Variants in TMEM132B observed in about 807,000 individuals in gnomAD.
The protein encoded by TMEM132B is transmembrane protein 132B.
A neutral mutation model predicts 90.8 loss-of-function variants in TMEM132B; 18 were observed. That is an observed-to-expected ratio of 0.20 (90% CI 0.14 to 0.29). The LOEUF is 0.29. TMEM132B is among the 10% of genes least tolerant of loss of function. TMEM132B has a pLI of 1.00. For synonymous variants in TMEM132B, 504 were observed against 523.3 expected, an observed-to-expected ratio of 0.96 and a Z score of 0.50; for missense variants, 1,096 against 1,326.8, an observed-to-expected ratio of 0.83 and a Z score of 2.70.
At chr12:125,398,277 C>T (rs61943148) in intron 2 of TMEM132B, among the ~76,000 whole-genome samples, 3 of 152,084 alleles carry the variant, frequency 2.0e-5, no homozygotes, top group Non-Finnish European at 4.4e-5. Flanking sequence ...TCCCAACTAC[C>T]CCTACTCATT....
intron 4 of TMEM132B, among the ~76,000 whole-genome samples, chr12:125,575,871 A>G (rs1884930337): frequency 6.6e-6 from 1 of 152,122 alleles, no homozygotes; most frequent in Non-Finnish European, 1.5e-5. Flanking sequence ...AATCTGCTGA[A>G]AATGAGAGAA....
At chr12:125,222,080 A>T (rs1394052048) in intron 1 of TMEM132B, among the ~76,000 whole-genome samples, 1 of 152,160 alleles carries the variant, frequency 6.6e-6, no homozygotes, top group East Asian at 1.9e-4. Context: ...CATAAGAAAA[A>T]CTGGATTGCT....
chr12:125,395,596 T>C (rs1325987516), intron 2 of TMEM132B, among the ~76,000 whole-genome samples: 1 of 152,234 alleles, frequency 6.6e-6, no homozygotes, highest in Non-Finnish European at 1.5e-5. Flanking sequence ...GTGTATCTTC[T>C]GTGAACTTTG....
At chr12:125,319,110 A>G (rs975341496) in intron 1 of TMEM132B, among the ~76,000 whole-genome samples, 2 of 152,178 alleles carry the variant, frequency 1.3e-5, no homozygotes, top group Non-Finnish European at 2.9e-5. Flanking sequence ...ACCTTGGATA[A>G]GAGTTGTGTC....
At chr12:125,298,724 CTTTT>C (rs1233601855) in intron 1 of TMEM132B, among the ~76,000 whole-genome samples, 2 of 143,266 alleles carry the variant, frequency 1.4e-5, no homozygotes, top group African/African-American at 5.1e-5. Flanking sequence ...ACTTATTTTT[CTTTT>C]TTCTTTTTTT....
chr12:125,359,333 AGTT>A (rs1194155981), intron 2 of TMEM132B, among the ~76,000 whole-genome samples: 2 of 152,220 alleles, frequency 1.3e-5, no homozygotes, highest in African/African-American at 2.4e-5. Flanking sequence ...CGATTTTATT[AGTT>A]ATGTTTTTTC....
rs189234930 is a variant in TMEM132B at position 125,503,522 on chromosome 12, G to C, written c.1107-15917G>C. ...TCATTCCTTGAGAACATACACCAGT[G>C]GACCCGTTTCTGAAAATAAGATTGA... On this transcript the variant is annotated intron_variant, in intron 3 of 8. Coordinates refer to ENST00000682704, the MANE Select transcript of TMEM132B (RefSeq NM_001366854.1). 9.2e-5 allele frequency among the ~76,000 whole-genome samples: 14 copies of C among 152,304 alleles called. No homozygotes were observed. In the East Asian group the frequency reaches 2.7e-3, roughly 29 times the overall value.
At chr12:125,618,522 T>C (rs920720700) in intron 5 of TMEM132B, among the ~76,000 whole-genome samples, 9 of 152,152 alleles carry the variant, frequency 5.9e-5, no homozygotes, top group African/African-American at 2.2e-4. Context: ...CTTAGCTGAG[T>C]AGTGTGGAAG....
rs1381893851 is a variant in TMEM132B at position 125,560,819 on chromosome 12, G to A, written c.1294-23032G>A. 1.6e-4 allele frequency among the ~76,000 whole-genome samples: 15 copies of A among 93,146 alleles called. 1 individual carries two copies. The Admixed American group carries it at 2.4e-3, about 15-fold the overall frequency. 61.1% of individuals were successfully genotyped at this position (93,146 alleles called of 152,430 possible). The stretch of plus-strand genomic sequence containing the variant: ...CGCAGTCCGGCCTGGGTGACAGAGC[G>A]AGACTCTGTCTCAAAAAAAAAAAAA... On this transcript the variant is annotated intron_variant, in intron 4 of 8. Coordinates refer to ENST00000682704, the MANE Select transcript of TMEM132B (RefSeq NM_001366854.1).
chr12:125,253,041 C>T (rs1440525114), intron 1 of TMEM132B, among the ~76,000 whole-genome samples: 6 of 152,246 alleles, frequency 3.9e-5, no homozygotes, highest in East Asian at 3.9e-4. Context: ...CCTTCCTCCT[C>T]GAGAGATGCT....
chr12:125,254,519 G>C (rs1311819496), intron 1 of TMEM132B, among the ~76,000 whole-genome samples: 1 of 152,094 alleles, frequency 6.6e-6, no homozygotes, highest in Non-Finnish European at 1.5e-5. Context: ...GAGAGCCACA[G>C]CTTTGCCTGG....
At chr12:125,527,441 T>TACCCTTCCATCCATCCATCC (rs1566063961) in intron 4 of TMEM132B, among the ~76,000 whole-genome samples, 94 of 37,768 alleles carry the variant, frequency 2.5e-3, no homozygotes, top group Non-Finnish European at 4.0e-3. Context: ...TCCACCTATT[T>TACCCTTCCATCCATCCATCC]ACCCTTCCAT....
intron 3 of TMEM132B, among the ~76,000 whole-genome samples, chr12:125,456,142 T>G (rs1312007893): frequency 6.6e-6 from 1 of 152,222 alleles, no homozygotes; most frequent in African/African-American, 2.4e-5. Context: ...CAATTCCCGC[T>G]GGACATGTAT....
intron 1 of TMEM132B, among the ~76,000 whole-genome samples, chr12:125,281,048 A>G (rs1348868766): frequency 6.6e-6 from 1 of 152,118 alleles, no homozygotes; most frequent in African/African-American, 2.4e-5. Context: ...CACACAATGA[A>G]CCCTAAGCAT....
chr12:125,326,530 T>A, intron 1 of TMEM132B: 1 of 1,377,802 alleles, frequency 7.3e-7, no homozygotes. Flanking sequence ...GGCTTAATGC[T>A]GTTTGATGGG....
At chr12:125,507,099 A>G (rs913859052) in intron 3 of TMEM132B, among the ~76,000 whole-genome samples, 2 of 152,224 alleles carry the variant, frequency 1.3e-5, no homozygotes, top group Admixed American at 6.5e-5. Flanking sequence ...CTGGGAGATG[A>G]GTGGTGCCTG....
In TMEM132B at chr12:125,415,729, C is replaced by T; in HGVS notation, c.1106+52C>T. ...TCCGCAGTGGGGAGGAGGGGAGTGG[C>T]TGCCAGAGCTGATAGCAAAATAATG... On this transcript the variant is annotated intron_variant, in intron 3 of 8. Coordinates refer to ENST00000682704, the MANE Select transcript of TMEM132B (RefSeq NM_001366854.1). The surrounding 1 kb of genome is among the most constrained non-coding windows in gnomAD (Gnocchi z 5.3). 1 of 1,590,924 alleles carries T rather than the reference C, an allele frequency of 6.3e-7. No homozygotes were observed. Among genetic ancestry groups the T allele is most frequent in the Non-Finnish European group, 8.6e-7 (1 of 1,168,498 alleles).
rs1487810253 is a variant in TMEM132B, at chr12:125,661,762, A to G, written c.*7052A>G. On this transcript the variant is annotated 3_prime_UTR_variant, in exon 9 of 9. Transcript: ENST00000682704. The stretch of plus-strand genomic sequence containing the variant: ...TGGAGAATTAAGTCATAAGGAAATG[A>G]TCAAACCTAGGGAAAAATAAGTGGC... 1.3e-5 allele frequency: 2 copies of G among 152,232 alleles called. No homozygotes were observed. The highest frequency in any genetic ancestry group is 4.8e-5 in the African/African-American group (2 of 41,460). The allele number at this position is 152,232 out of a possible 1,614,324, so 9.4% of individuals were successfully genotyped here.
chr12:125,207,587 A>G (rs2136062985), intron 1 of TMEM132B, among the ~76,000 whole-genome samples: 1 of 152,328 alleles, frequency 6.6e-6, no homozygotes, highest in Non-Finnish European at 1.5e-5. Context: ...AAACATACAT[A>G]ACAAAATTTA....
Sources: gnomAD v4.1 joint callset for allele counts (sites outside exome capture counted in the v4.1 genomes callset) on GRCh38, gnomAD v4.1.1 for gene constraint, Gnocchi (gnomAD v3.1) non-coding constraint, MANE v1.5 for transcripts, NCBI Gene and HGNC (gene_info 2026-07-23, HGNC 2026-07-21) for gene names.